Variants in LIMD1 observed in about 807,000 individuals in gnomAD.
LIMD1 encodes LIM domain-containing protein 1.
In LIMD1, 23 loss-of-function variants were observed where a neutral mutation model predicts 58.4. That is an observed-to-expected ratio of 0.39 (90% CI 0.28 to 0.56). LIMD1 has a LOEUF of 0.56. Among genes scored for constraint, LIMD1 ranks in the 20% least tolerant of loss-of-function variants. The probability of loss-of-function intolerance (pLI) is 0.57; values close to 1 mark genes in which losing one functional copy is unlikely to be tolerated. For missense variants in LIMD1, 838 were observed against 855.5 expected, an observed-to-expected ratio of 0.98 and a Z score of 0.25; for synonymous variants, 334 against 345.5, an observed-to-expected ratio of 0.97 and a Z score of 0.37.
intron 2 of LIMD1, among the ~76,000 whole-genome samples, chr3:45,659,234 C>G (rs538511091): frequency 6.6e-6 from 1 of 152,228 alleles, no homozygotes; most frequent in South Asian, 2.1e-4. Flanking sequence ...TTTTGCATAT[C>G]AGTGGTATCT....
chr3:45,643,307 A>G (rs1460596566), intron 2 of LIMD1, among the ~76,000 whole-genome samples: 2 of 152,116 alleles, frequency 1.3e-5, no homozygotes, highest in Non-Finnish European at 2.9e-5. Context: ...CAATGTGGCA[A>G]AACCCCATCT....
chr3:45,603,121 G>T (rs1342435165), intron 1 of LIMD1, among the ~76,000 whole-genome samples: 1 of 152,192 alleles, frequency 6.6e-6, no homozygotes, highest in Non-Finnish European at 1.5e-5. Context: ...GATTACAGGC[G>T]TGAGCCACTG....
intron 2 of LIMD1, among the ~76,000 whole-genome samples, chr3:45,648,797 G>A (rs112590702): frequency 1.5e-5 from 2 of 135,242 alleles, no homozygotes; most frequent in Non-Finnish European, 3.2e-5. Flanking sequence ...CTCATTGTGG[G>A]TTTTGATTTG....
At chr3:45,642,963 C>T (rs910823891) in intron 2 of LIMD1, among the ~76,000 whole-genome samples, 1 of 152,118 alleles carries the variant, frequency 6.6e-6, no homozygotes, top group Non-Finnish European at 1.5e-5. Context: ...GGCGGCCATG[C>T]CCCCCCACTG....
chr3:45,624,216 C>T (rs903637217), intron 1 of LIMD1, among the ~76,000 whole-genome samples: 10 of 152,178 alleles, frequency 6.6e-5, no homozygotes. Flanking sequence ...ACCCTTGCCC[C>T]AACCCCTTTC....
At chr3:45,629,412 C>A (rs1452056734) in intron 1 of LIMD1, among the ~76,000 whole-genome samples, 904 of 96,882 alleles carry the variant, frequency 9.3e-3, no homozygotes, top group South Asian at 0.012. Context: ...ACTCTTGTCT[C>A]AAAAAAAAAA....
At chr3:45,664,413 A>G (rs1697484206) in intron 2 of LIMD1, among the ~76,000 whole-genome samples, 1 of 152,182 alleles carries the variant, frequency 6.6e-6, no homozygotes, top group Non-Finnish European at 1.5e-5. Context: ...AGTATTGCCA[A>G]AGCTTCCCCT....
At chr3:45,617,762 A>T (rs184943949) in intron 1 of LIMD1, among the ~76,000 whole-genome samples, 2 of 152,312 alleles carry the variant, frequency 1.3e-5, no homozygotes, top group East Asian at 3.9e-4. Context: ...CCTGGCTGGC[A>T]GCAACCAAGC....
At chr3:45,638,094 G>A (rs956615996) in intron 2 of LIMD1, among the ~76,000 whole-genome samples, 1 of 152,118 alleles carries the variant, frequency 6.6e-6, no homozygotes, top group African/African-American at 2.4e-5. Flanking sequence ...GTTACCCTGT[G>A]GAGATTGACC....
rs1248964074 is a variant in LIMD1, at chr3:45,596,125, T to A, written c.1246T>A (p.Ser416Thr). The A allele has an allele frequency of 6.2e-7, 1 of 1,614,062 alleles. No individual in the cohort carries two copies. Among genetic ancestry groups the A allele is most frequent in the Non-Finnish European group, 8.5e-7 (1 of 1,180,040 alleles). Residue 416 changes from serine (S) to threonine (T), a missense_variant, in exon 1 of 8, where the codon TCT (serine) becomes ACT (threonine). This residue lies in a region of LIMD1 where 659 missense variants were observed against 639.8 expected (regional missense o/e 1.03). Coordinates refer to ENST00000273317, the MANE Select transcript of LIMD1 (RefSeq NM_014240.3). ...CTGGTCTTCTGATGGTAGCCTGGGA[T>A]CTGTGCTCCTGGACAGCCCCAGCTC... ...LGWSSDGSLG[S>T]VLLDSPSSPR...
At chr3:45,613,652 T>G (rs1295275464) in intron 1 of LIMD1, among the ~76,000 whole-genome samples, 1 of 145,554 alleles carries the variant, frequency 6.9e-6, no homozygotes, top group Non-Finnish European at 1.5e-5. Flanking sequence ...AGACTTTGGG[T>G]TTTTTTTTTG....
chr3:45,675,734 C>A (rs984019448), intron 7 of LIMD1, among the ~76,000 whole-genome samples: 4 of 152,142 alleles, frequency 2.6e-5, no homozygotes, highest in Admixed American at 2.6e-4. Context: ...TCCAGCCAGG[C>A]ATGGGCCCAT....
At chr3:45,623,795 C>T (rs1442999075) in intron 1 of LIMD1, among the ~76,000 whole-genome samples, 1 of 152,142 alleles carries the variant, frequency 6.6e-6, no homozygotes, top group African/African-American at 2.4e-5. Context: ...TGGTTCTCGT[C>T]CCTGGCTGTG....
chr3:45,664,833 T>C (rs912073734), intron 2 of LIMD1, among the ~76,000 whole-genome samples: 1 of 152,212 alleles, frequency 6.6e-6, no homozygotes, highest in African/African-American at 2.4e-5. Flanking sequence ...GGTTTAACTT[T>C]TTGCAGAGAG....
At chr3:45,646,196 G>GT (rs1701905405) in intron 2 of LIMD1, among the ~76,000 whole-genome samples, 1 of 152,220 alleles carries the variant, frequency 6.6e-6, no homozygotes, top group Non-Finnish European at 1.5e-5. Flanking sequence ...CAGCTGGTGA[G>GT]TGGGGAAGTG....
intron 2 of LIMD1, among the ~76,000 whole-genome samples, chr3:45,639,397 C>T (rs957618660): frequency 2.0e-5 from 3 of 152,208 alleles, no homozygotes; most frequent in Non-Finnish European, 4.4e-5. Context: ...TCTGTTTGGA[C>T]TGTTATAACA....
chr3:45,634,724 T>A (rs1244528394), intron 1 of LIMD1, among the ~76,000 whole-genome samples: 1 of 152,200 alleles, frequency 6.6e-6, no homozygotes, highest in African/African-American at 2.4e-5. Flanking sequence ...AGACCAGGTG[T>A]CCCAATAAGC....
rs770443983 is a variant in LIMD1 at position 45,665,653 on chromosome 3, G to A, written c.1514G>A (p.Arg505Gln). ...DTCFTCAACS[R>Q]KLRGKAFYFV... ...GTGTTTGTGATTTTTTCCTTAGGCC[G>A]GAAGCTGAGAGGAAAAGCCTTTTAT... is the stretch of plus-strand genomic sequence containing the variant. The change falls in exon 3 of 8, where the codon CGG becomes CAG. Residue 505 changes from arginine (R) to glutamine (Q), a missense_variant. Transcript: ENST00000273317. 1.4e-5 allele frequency: 22 copies of A among 1,613,578 alleles called. No individual in the cohort carries two copies. The East Asian group carries it at 3.6e-4, about 26-fold the overall frequency.
chr3:45,625,899 G>A (rs1399685629), intron 1 of LIMD1, among the ~76,000 whole-genome samples: 2 of 152,154 alleles, frequency 1.3e-5, no homozygotes, highest in Non-Finnish European at 2.9e-5. Context: ...TTAAGATATG[G>A]CGATACTAAA....
Sources: allele counts gnomAD v4.1 joint callset (sites outside exome capture counted in the v4.1 genomes callset), GRCh38; gene constraint gnomAD v4.1.1; regional missense constraint gnomAD v4.1.1; transcripts MANE v1.5; gene names NCBI Gene and HGNC (gene_info 2026-07-23, HGNC 2026-07-21).